FHIT: variants seen among roughly 807,000 people sequenced by gnomAD.
The protein encoded by FHIT is bis(5'-adenosyl)-triphosphatase.
Under a neutral mutation model 17.9 loss-of-function variants are expected in FHIT, and 19 were observed. The ratio of observed to expected loss-of-function variants is 1.06; its 90% CI spans 0.74 to 1.56. FHIT has a LOEUF of 1.56. Ranked by LOEUF, FHIT falls within the 40% of genes most tolerant of loss-of-function variation. The pLI is 0.00. For missense variants in FHIT, 248 were observed against 189.2 expected (o/e 1.31, Z -1.82); for synonymous variants, 81 against 69.7 (o/e 1.16, Z -0.81).
intron 3 of FHIT, among the ~76,000 whole-genome samples, chr3:60,831,230 A>C (rs144058664): frequency 1.3e-5 from 2 of 152,336 alleles, no homozygotes; most frequent in East Asian, 3.9e-4. Context: ...GAAAGGAACG[A>C]GTTGAAGCTG....
chr3:60,511,426 T>C (rs1474410506), intron 5 of FHIT, among the ~76,000 whole-genome samples: 1 of 152,142 alleles, frequency 6.6e-6, no homozygotes, highest in African/African-American at 2.4e-5. Flanking sequence ...ATCTAAGGTA[T>C]CTCTAAAGAC....
At chr3:61,206,676 G>C (rs1193129187) in intron 1 of FHIT, among the ~76,000 whole-genome samples, 3 of 151,900 alleles carry the variant, frequency 2.0e-5, no homozygotes, top group African/African-American at 7.2e-5. Flanking sequence ...TTTGTATCCT[G>C]AGACTTTCCT....
intron 5 of FHIT, among the ~76,000 whole-genome samples, chr3:60,075,714 G>C (rs766072205): frequency 1.5e-4 from 23 of 151,988 alleles, no homozygotes; most frequent in Non-Finnish European, 2.8e-4. Flanking sequence ...CAGCCTTGTA[G>C]AACTCCTATT....
chr3:60,065,244 C>G (rs1196739398), intron 5 of FHIT, among the ~76,000 whole-genome samples: 7 of 152,144 alleles, frequency 4.6e-5, no homozygotes, highest in African/African-American at 1.4e-4. Context: ...ACCTTATGAG[C>G]TAGAATGCTT....
chr3:61,213,684 C>T (rs983005042), intron 1 of FHIT, among the ~76,000 whole-genome samples: 3 of 152,168 alleles, frequency 2.0e-5, no homozygotes, highest in African/African-American at 7.2e-5. Flanking sequence ...ACTCTGCATC[C>T]CAAAACAACA....
chr3:59,898,555 G>C (rs1319936140), intron 8 of FHIT, among the ~76,000 whole-genome samples: 1 of 151,880 alleles, frequency 6.6e-6, no homozygotes, highest in Non-Finnish European at 1.5e-5. Flanking sequence ...GGCAATTTTA[G>C]TCCCATATTT....
intron 3 of FHIT, among the ~76,000 whole-genome samples, chr3:60,862,370 G>T (rs1029076325): frequency 1.3e-5 from 2 of 151,924 alleles, no homozygotes; most frequent in African/African-American, 4.8e-5. Context: ...GTCTCACTTT[G>T]TTGCCCAGGC....
At chr3:61,139,092 C>T (rs905916970) in intron 2 of FHIT, among the ~76,000 whole-genome samples, 7 of 147,434 alleles carry the variant, frequency 4.7e-5, no homozygotes, top group East Asian at 2.0e-4. Flanking sequence ...TGCAGTGGTG[C>T]GATCTCGGCT....
chr3:59,853,078 A>G (rs757767524), intron 8 of FHIT, among the ~76,000 whole-genome samples: 27 of 152,326 alleles, frequency 1.8e-4, no homozygotes, highest in East Asian at 3.9e-4. Flanking sequence ...AAGAGCATGT[A>G]GTTTTGTAAG....
chr3:60,914,590 G>A (rs2107285819), intron 3 of FHIT, among the ~76,000 whole-genome samples: 1 of 152,172 alleles, frequency 6.6e-6, no homozygotes, highest in African/African-American at 2.4e-5. Flanking sequence ...GGGTCATAGG[G>A]ACACAAGGCC....
At chr3:60,130,982 C>T (rs1426815253) in intron 5 of FHIT, among the ~76,000 whole-genome samples, 3 of 90,732 alleles carry the variant, frequency 3.3e-5, no homozygotes, top group Non-Finnish European at 5.1e-5. Flanking sequence ...TATATATATA[C>T]ACATATATAC....
chr3:60,422,985 T>A (rs1209578788), intron 5 of FHIT, among the ~76,000 whole-genome samples: 3 of 152,260 alleles, frequency 2.0e-5, no homozygotes, highest in East Asian at 3.9e-4. Flanking sequence ...CTTGTATTTT[T>A]AAAAATGTTA....
In FHIT at chr3:61,151,575, C is replaced by CT. The variant is rs58140463; in HGVS notation, c.-164+49041dup. The stretch of plus-strand genomic sequence containing the variant: ...ATGGCTTGTGATATTCTTTTCTTTT[C>CT]TTTTTTTTTTTTTTTTGAGATGGAG... On this transcript the variant is annotated intron_variant, in intron 2 of 9. Transcript: ENST00000492590. Among the ~76,000 whole-genome samples, 131 of 129,262 alleles carry CT rather than the reference C, an allele frequency of 1.0e-3. 1 individual carries two copies. Among genetic ancestry groups the CT allele is most frequent in the South Asian group, 2.1e-3 (8 of 3,894 alleles). The allele number at this position is 129,262 out of a possible 152,430, so 84.8% of individuals were successfully genotyped here.
Position 59,869,782 on chromosome 3 carries a change from G to A in FHIT, c.348+52564C>T, listed in dbSNP as rs528695691. Reference sequence around the variant, plus strand: ...ATTACAGGTGTGAGCCACCACAACCGGCGAAGGATACCCATTTTTAAAATA... The same window carrying A: ...ATTACAGGTGTGAGCCACCACAACCAGCGAAGGATACCCATTTTTAAAATA... On this transcript the variant is annotated intron_variant, in intron 8 of 9. Coordinates refer to ENST00000492590, the MANE Select transcript of FHIT (RefSeq NM_002012.4). Among the ~76,000 whole-genome samples, 106 of 151,726 alleles carry A rather than the reference G, an allele frequency of 7.0e-4. No individual in the cohort carries two copies. In the South Asian group the frequency reaches 7.9e-3, roughly 11 times the overall value.
At chr3:60,913,043 A>G (rs894633518) in intron 3 of FHIT, among the ~76,000 whole-genome samples, 3 of 152,356 alleles carry the variant, frequency 2.0e-5, no homozygotes, top group East Asian at 3.9e-4. Flanking sequence ...CTGTTTCACA[A>G]TGAAGCACTC....
At chr3:60,381,429 G>C (rs1700794483) in intron 5 of FHIT, among the ~76,000 whole-genome samples, 1 of 151,330 alleles carries the variant, frequency 6.6e-6, no homozygotes, top group Admixed American at 6.6e-5. Context: ...AATGAGCCGA[G>C]ACCGTGCCAT....
intron 5 of FHIT, among the ~76,000 whole-genome samples, chr3:60,465,605 T>A (rs2032744926): frequency 1.3e-5 from 2 of 152,126 alleles, no homozygotes; most frequent in African/African-American, 4.8e-5. Context: ...TTCTTCTGCA[T>A]ATAGATATTC....
At chr3:60,799,677 G>A (rs1210548463) in intron 4 of FHIT, among the ~76,000 whole-genome samples, 3 of 151,878 alleles carry the variant, frequency 2.0e-5, no homozygotes, top group African/African-American at 7.3e-5. Flanking sequence ...CTCCTTTTTC[G>A]GGGCTACTTT....
At chr3:60,630,128 T>C (rs1047066454) in intron 4 of FHIT, among the ~76,000 whole-genome samples, 7 of 152,206 alleles carry the variant, frequency 4.6e-5, no homozygotes, top group Non-Finnish European at 1.5e-5. Context: ...TAAAGGACTC[T>C]ATCAATAAAG....
Sources: allele counts gnomAD v4.1 joint callset (sites outside exome capture counted in the v4.1 genomes callset), GRCh38; gene constraint gnomAD v4.1.1; transcripts MANE v1.5; gene names NCBI Gene and HGNC (gene_info 2026-07-23, HGNC 2026-07-21).